Variants in ZNF805 observed in about 807,000 individuals in gnomAD.
ZNF805 encodes zinc finger protein 805, also known as CTC-444N24.8.
ZNF805 carries 7 observed loss-of-function variants against 13.6 expected under a neutral mutation model. The ratio of observed to expected loss-of-function variants is 0.51; its 90% CI spans 0.29 to 0.97. The LOEUF is 0.97. Ranked by LOEUF, ZNF805 falls within the 50% of genes least tolerant of loss-of-function variation. The probability of loss-of-function intolerance (pLI) is 0.08; values close to 1 mark genes in which losing one functional copy is unlikely to be tolerated. For synonymous variants in ZNF805, 293 were observed against 279.8 expected (o/e 1.05, Z -0.47); for missense variants, 604 against 771.0 (o/e 0.78, Z 2.57).
chr19:57,253,487 G>A lies in ZNF805; in HGVS notation c.668G>A (p.Arg223Lys), dbSNP rs761491266. ...NKKRLLARHE[R>K]IHSGVKPYEC... ...AAACGCCTGCTTGCTCGGCATGAGAGGATTCACTCTGGAGTGAAGCCCTAT... is the reference window on the plus strand; with the variant it reads ...AAACGCCTGCTTGCTCGGCATGAGAAGATTCACTCTGGAGTGAAGCCCTAT... The change falls in exon 4 of 4, where the codon AGG (arginine) becomes AAG (lysine). Residue 223 changes from arginine (R) to lysine (K), a missense_variant. Around this residue, in one of 3 missense-constraint regions of ZNF805, gnomAD observed 327 missense variants for 378.2 expected, o/e 0.86. Coordinates refer to ENST00000414468, the MANE Select transcript of ZNF805 (RefSeq NM_001023563.4). The surrounding 1 kb of genome is among the most constrained non-coding windows in gnomAD (Gnocchi z 4.4). 1 of 1,605,952 alleles carries A rather than the reference G, an allele frequency of 6.2e-7. No individual in the cohort carries two copies. The highest frequency in any genetic ancestry group is 8.5e-7 in the Non-Finnish European group (1 of 1,175,708).
chr19:57,244,951 G>GT (rs376842400), intron 2 of ZNF805, among the ~76,000 whole-genome samples: 161 of 149,444 alleles, frequency 1.1e-3, no homozygotes, highest in African/African-American at 2.1e-3. Flanking sequence ...TCTGTCTGCA[G>GT]TTTTTTTTTT....
At chr19:57,250,747 G>GTCAT (rs1424737481) in intron 3 of ZNF805, among the ~76,000 whole-genome samples, 1 of 152,174 alleles carries the variant, frequency 6.6e-6, no homozygotes, top group Non-Finnish European at 1.5e-5. Context: ...TGTTGACAGT[G>GTCAT]TCATCTACTT....
At chr19:57,248,797 G>A in intron 3 of ZNF805, 97 bp downstream of exon 3, 2 of 1,136,076 alleles carry the variant, frequency 1.8e-6, no homozygotes, top group South Asian at 1.3e-5. Context: ...TCTCACTGTG[G>A]CTTCTCTAAG....
rs960149245 is a variant in ZNF805, at chr19:57,256,655, T to C, written c.*1952T>C. ...TTGATGGCAGCAGGATCTGTACTTA[T>C]GTTCCTTGTTGTATTCTTGATATTG... On this transcript the variant is annotated 3_prime_UTR_variant, in exon 4 of 4. Transcript: ENST00000414468. 6.6e-6 allele frequency among the ~76,000 whole-genome samples: 1 copy of C among 152,184 alleles called. No homozygotes were observed. The highest frequency in any genetic ancestry group is 6.5e-5 in the Admixed American group (1 of 15,288).
In ZNF805 at chr19:57,257,957, C is replaced by A. The variant is rs2087698689; in HGVS notation, c.*3254C>A. On this transcript the variant is annotated 3_prime_UTR_variant, in exon 4 of 4. Coordinates refer to ENST00000414468, the MANE Select transcript of ZNF805 (RefSeq NM_001023563.4). ...TCCTGACCTCAGGTGATCCACCTGC[C>A]TCAGCCTCCCAAAGTGCTAGGATTA... is the stretch of plus-strand genomic sequence containing the variant. Among the ~76,000 whole-genome samples, 1 of 151,180 alleles carries A rather than the reference C, an allele frequency of 6.6e-6. No homozygotes were observed. The highest frequency in any genetic ancestry group is 1.5e-5 in the Non-Finnish European group (1 of 67,886).
rs2087687948 is a variant in ZNF805 at position 57,256,454 on chromosome 19, C to T, written c.*1751C>T. Among the ~76,000 whole-genome samples the T allele has an allele frequency of 6.6e-6, 1 of 151,894 alleles. No individual in the cohort carries two copies. The highest frequency in any genetic ancestry group is 2.4e-5 in the African/African-American group (1 of 41,380). On this transcript the variant is annotated 3_prime_UTR_variant, in exon 4 of 4. Transcript: ENST00000414468. ...AGCTTTCTCCAGTGAAGAAGTGGGA[C>T]CTGGAGATTTTCCTTTTGAATGCTT... is the stretch of plus-strand genomic sequence containing the variant.
chr19:57,242,894 A>G (rs1409775901), intron 1 of ZNF805, among the ~76,000 whole-genome samples: 2 of 152,218 alleles, frequency 1.3e-5, no homozygotes, highest in East Asian at 3.8e-4. Flanking sequence ...CTGGGTTAAA[A>G]TCCTGTCTCT....
Position 57,253,563 on chromosome 19 carries a change from G to A in ZNF805, c.744G>A (p.Gln248=), listed in dbSNP as rs758677073. ...TTAGCAAGAGTACATACCTCCTGCA[G>A]CACCACATGGTCCACACTGGGGAGA... ...KTFSKSTYLL[Q]HHMVHTGEKP... The change falls in exon 4 of 4, where the codon CAG becomes CAA. Residue 248 remains glutamine, a synonymous_variant. Coordinates refer to ENST00000414468, the MANE Select transcript of ZNF805 (RefSeq NM_001023563.4). The surrounding 1 kb of genome is among the most constrained non-coding windows in gnomAD (Gnocchi z 4.4). 1.9e-6 allele frequency: 3 copies of A among 1,613,940 alleles called. No homozygotes were observed. Among genetic ancestry groups the A allele is most frequent in the Non-Finnish European group, 2.5e-6 (3 of 1,179,896 alleles).
Position 57,242,171 on chromosome 19 carries a change from G to A in ZNF805, c.30+1250G>A, listed in dbSNP as rs147005143. ...CGACCTGTTTAGTTACCTGCTGAAA[G>A]TCACATAGCACTTAAGTAACAAACT... On this transcript the variant is annotated intron_variant, in intron 1 of 3. Coordinates refer to ENST00000414468, the MANE Select transcript of ZNF805 (RefSeq NM_001023563.4). Among the ~76,000 whole-genome samples, 714 of 152,350 alleles carry A rather than the reference G, an allele frequency of 4.7e-3. 11 individuals are homozygous for A. Among genetic ancestry groups the A allele is most frequent in the East Asian group, 0.029 (152 of 5,190 alleles).
intron 2 of ZNF805, among the ~76,000 whole-genome samples, chr19:57,244,278 C>T (rs1297582064): frequency 7.0e-6 from 1 of 143,310 alleles, no homozygotes; most frequent in East Asian, 2.0e-4. Flanking sequence ...ACTCGGGTCA[C>T]TGCAACCTCC....
chr19:57,241,843 T>A (rs2122823479), intron 1 of ZNF805, among the ~76,000 whole-genome samples: 1 of 152,358 alleles, frequency 6.6e-6, no homozygotes, highest in Non-Finnish European at 1.5e-5. Context: ...CAAATGTCAC[T>A]TCTTTAAAGC....
At chr19:57,245,560 A>C (rs1317987285) in intron 2 of ZNF805, among the ~76,000 whole-genome samples, 6 of 150,678 alleles carry the variant, frequency 4.0e-5, no homozygotes, top group African/African-American at 1.2e-4. Flanking sequence ...TGGGCGGATC[A>C]CAAGGTCAGG....
intron 3 of ZNF805, 58 bp downstream of exon 3, chr19:57,248,758 C>A: frequency 7.0e-7 from 1 of 1,421,562 alleles, no homozygotes; most frequent in East Asian, 2.5e-5. Flanking sequence ...TTCGAGGAGA[C>A]CACTGGCCCT....
rs1458626285 is a variant in ZNF805 at position 57,259,654 on chromosome 19, C to A, written c.*4951C>A. On this transcript the variant is annotated 3_prime_UTR_variant, in exon 4 of 4. Transcript: ENST00000414468. The stretch of plus-strand genomic sequence containing the variant: ...CCCGAGTAGCTGGGACTACAGGTGC[C>A]CGCCACCATGCCCGGCTAATTTTTT... Among the ~76,000 whole-genome samples, 1 of 151,994 alleles carries A rather than the reference C, an allele frequency of 6.6e-6. No homozygotes were observed. Among genetic ancestry groups the A allele is most frequent in the Non-Finnish European group, 1.5e-5 (1 of 67,978 alleles).
Position 57,253,671 on chromosome 19 carries a change from G to C in ZNF805, c.852G>C (p.Glu284Asp). 6.2e-7 allele frequency: 1 copy of C among 1,614,020 alleles called. No individual in the cohort carries two copies. Among genetic ancestry groups the C allele is most frequent in the Non-Finnish European group, 8.5e-7 (1 of 1,179,988 alleles). The part of the protein sequence containing the change: ...LTQHQRIHSG[E>D]KPYKCSECGK... ...AGCACCAGCGGATTCACAGTGGAGA[G>C]AAGCCTTATAAGTGCAGTGAATGTG... The change falls in exon 4 of 4, where the codon GAG (glutamate) becomes GAC (aspartate). Residue 284 changes from glutamate to aspartate, a missense_variant. Coordinates refer to ENST00000414468, the MANE Select transcript of ZNF805 (RefSeq NM_001023563.4). The surrounding 1 kb of genome is among the most constrained non-coding windows in gnomAD (Gnocchi z 4.4).
rs2087689136 is a variant in ZNF805, at chr19:57,256,677, A to C, written c.*1974A>C. On this transcript the variant is annotated 3_prime_UTR_variant, in exon 4 of 4. Coordinates refer to ENST00000414468, the MANE Select transcript of ZNF805 (RefSeq NM_001023563.4). The stretch of plus-strand genomic sequence containing the variant: ...TTATGTTCCTTGTTGTATTCTTGAT[A>C]TTGGAAATGTATCACTTATTATTGT... Among the ~76,000 whole-genome samples the C allele has an allele frequency of 6.6e-6, 1 of 152,144 alleles. No individual in the cohort carries two copies. The highest frequency in any genetic ancestry group is 2.1e-4 in the South Asian group (1 of 4,834).
At chr19:57,251,212 C>G (rs537065694) in intron 3 of ZNF805, among the ~76,000 whole-genome samples, 3 of 152,186 alleles carry the variant, frequency 2.0e-5, no homozygotes, top group African/African-American at 7.2e-5. Context: ...TCATTGTTTT[C>G]TAAAGGGCCT....
chr19:57,245,614 C>A (rs1355164204), intron 2 of ZNF805, among the ~76,000 whole-genome samples: 1 of 149,216 alleles, frequency 6.7e-6, no homozygotes. Context: ...CCTGTCTCTA[C>A]TAAAAATACA....
At position 57,262,672 on chromosome 19, in the gene ZNF805, T is replaced by A. The variant is rs2087731874; in HGVS notation, c.*7969T>A. ...TAGTTGAAGAATATGGAGTTCGCCA[T>A]AATTTATCATTAAATGTGGATAATT... On this transcript the variant is annotated 3_prime_UTR_variant, in exon 4 of 4. Coordinates refer to ENST00000414468, the MANE Select transcript of ZNF805 (RefSeq NM_001023563.4). The A allele has an allele frequency of 1.2e-5, 2 of 167,130 alleles. No individual in the cohort carries two copies. Among genetic ancestry groups the A allele is most frequent in the African/African-American group, 4.8e-5 (2 of 41,468 alleles). The allele number at this position is 167,130 out of a possible 1,614,324, so 10.4% of individuals were successfully genotyped here. A position where few individuals can be genotyped will look rare whatever the true frequency, so the allele number is the denominator to read the frequency against.
Sources: allele counts gnomAD v4.1 joint callset (sites outside exome capture counted in the v4.1 genomes callset), GRCh38; gene constraint gnomAD v4.1.1; regional missense constraint gnomAD v4.1.1; non-coding constraint Gnocchi (gnomAD v3.1); transcripts MANE v1.5; gene names NCBI Gene and HGNC (gene_info 2026-07-23, HGNC 2026-07-21).